The following NFATC3 variants were observed in gnomAD, a reference collection of about 807,000 sequenced individuals.
NFATC3 encodes the protein nuclear factor of activated T-cells, cytoplasmic 3.
NFATC3 carries 46 observed loss-of-function variants against 98.6 expected under a neutral mutation model. The observed-to-expected ratio is 0.47, with a 90% confidence interval of 0.37 to 0.60. The LOEUF (loss-of-function observed/expected upper bound fraction) is 0.60, where lower values mean the gene tolerates loss of function less well. NFATC3 is among the 20% of genes least tolerant of loss of function. The probability of loss-of-function intolerance (pLI) is 0.00; values close to 1 mark genes in which losing one functional copy is unlikely to be tolerated. For missense variants in NFATC3, 1,256 were observed against 1,295.5 expected (o/e 0.97, Z 0.47); for synonymous variants, 512 against 472.2 (o/e 1.08, Z -1.09).
chr16:68,192,293 A>G (rs1289789204), intron 9 of NFATC3: 4 of 128,892 alleles, frequency 3.1e-5, no homozygotes, highest in Non-Finnish European at 6.6e-5. Flanking sequence ...ATATATATGT[A>G]TGTGTGTATA....
chr16:68,167,369 C>T (rs2039243746), intron 5 of NFATC3, among the ~76,000 whole-genome samples: 1 of 152,188 alleles, frequency 6.6e-6, no homozygotes, highest in Admixed American at 6.5e-5. Context: ...GTCTTTATTT[C>T]ATTAAAATGT....
chr16:68,171,483 T>G (rs957983875), intron 5 of NFATC3, among the ~76,000 whole-genome samples: 5 of 151,682 alleles, frequency 3.3e-5, no homozygotes, highest in Non-Finnish European at 7.4e-5. Context: ...CTTTTTTTTT[T>G]TTTTTCTTGA....
At chr16:68,163,587 C>T (rs903385476) in intron 4 of NFATC3, among the ~76,000 whole-genome samples, 15 of 151,414 alleles carry the variant, frequency 9.9e-5, no homozygotes, top group East Asian at 3.9e-4. Context: ...CGGGCGGAGA[C>T]GCTCCTCACT....
chr16:68,152,782 A>T (rs868625713), intron 3 of NFATC3, among the ~76,000 whole-genome samples: 1 of 152,334 alleles, frequency 6.6e-6, no homozygotes, highest in South Asian at 2.1e-4. Context: ...TGTGAAACTT[A>T]TGTGGAATTC....
chr16:68,226,696 A>G lies in NFATC3; in HGVS notation c.*225A>G. 5.2e-6 allele frequency: 2 copies of G among 386,088 alleles called. No homozygotes were observed. The highest frequency in any genetic ancestry group is 6.6e-4 in the Middle Eastern group (1 of 1,518). 23.9% of individuals were successfully genotyped at this position (386,088 alleles called of 1,614,324 possible). ...TGGGGAAATGAACTTTGCTTTTTAT[A>G]TTTAACTAGGATACTTTTATATGAT... On this transcript the variant is annotated 3_prime_UTR_variant, in exon 10 of 10. Transcript: ENST00000346183.
At chr16:68,140,219 C>T (rs909216356) in intron 3 of NFATC3, among the ~76,000 whole-genome samples, 5 of 152,072 alleles carry the variant, frequency 3.3e-5, no homozygotes, top group East Asian at 1.9e-4. Flanking sequence ...CGGCTGGTCT[C>T]GGAACTCCTG....
chr16:68,129,987 C>A (rs1188939957), intron 3 of NFATC3, among the ~76,000 whole-genome samples: 3 of 152,046 alleles, frequency 2.0e-5, no homozygotes, highest in African/African-American at 7.2e-5. Flanking sequence ...TGATTTCTCT[C>A]TTTTCTTGTG....
At chr16:68,224,285 T>G (rs2151184525) in intron 9 of NFATC3, among the ~76,000 whole-genome samples, 1 of 149,148 alleles carries the variant, frequency 6.7e-6, no homozygotes, top group South Asian at 2.1e-4. Flanking sequence ...TTTTTTTTTT[T>G]TTTTTTTTTG....
chr16:68,097,427 G>A lies in NFATC3; in HGVS notation c.103+11643G>A, dbSNP rs2035075253. On this transcript the variant is annotated intron_variant, in intron 1 of 9. Transcript: ENST00000346183. ...GCATCTGTAGATTTATTAGGCAATTGGAAATATAAGTGTAGAGCTCAAAAG... is the reference window on the plus strand; with the variant it reads ...GCATCTGTAGATTTATTAGGCAATTAGAAATATAAGTGTAGAGCTCAAAAG... Among the ~76,000 whole-genome samples, 5 of 152,180 alleles carry A rather than the reference G, an allele frequency of 3.3e-5. No homozygotes were observed. The South Asian group carries it at 8.3e-4, about 25-fold the overall frequency.
At chr16:68,188,591 G>A (rs1288829762) in intron 8 of NFATC3, among the ~76,000 whole-genome samples, 2 of 152,174 alleles carry the variant, frequency 1.3e-5, no homozygotes, top group Non-Finnish European at 2.9e-5. Context: ...TTTTTATTAA[G>A]GTATTTCTGA....
chr16:68,182,199 AAGTT>A (rs532425065), intron 7 of NFATC3, among the ~76,000 whole-genome samples: 63 of 152,286 alleles, frequency 4.1e-4, no homozygotes, highest in African/African-American at 1.4e-3. Context: ...TAGTGGGTAA[AAGTT>A]AGGAGCAAGA....
intron 9 of NFATC3, among the ~76,000 whole-genome samples, chr16:68,201,368 A>C (rs567994476): frequency 5.8e-4 from 88 of 152,170 alleles, no homozygotes; most frequent in African/African-American, 2.1e-3. Flanking sequence ...AGTAGCAGGG[A>C]CTACAGGCAC....
chr16:68,116,965 AC>A (rs1158015383), intron 1 of NFATC3, among the ~76,000 whole-genome samples: 9 of 152,122 alleles, frequency 5.9e-5, no homozygotes, highest in Admixed American at 4.6e-4. Flanking sequence ...TGCTATATAT[AC>A]CCTTTGAACT....
At chr16:68,190,625 A>C in intron 8 of NFATC3, 143 bp from the exon 9 acceptor site, 1 of 721,702 alleles carries the variant, frequency 1.4e-6, no homozygotes. Flanking sequence ...ACAGACATAC[A>C]CGATATTTTA....
intron 1 of NFATC3, among the ~76,000 whole-genome samples, chr16:68,094,603 A>G (rs1237603355): frequency 6.6e-6 from 1 of 152,118 alleles, no homozygotes; most frequent in Non-Finnish European, 1.5e-5. Flanking sequence ...TCTCTTGTAC[A>G]TACCCAGTTG....
rs1248440038 is a variant in NFATC3, at chr16:68,190,976, T to C, written c.2307T>C (p.Cys769=). The C allele has an allele frequency of 6.8e-6, 11 of 1,614,062 alleles. No individual in the cohort carries two copies. The highest frequency in any genetic ancestry group is 9.3e-6 in the Non-Finnish European group (11 of 1,180,038). Residue 769 remains cysteine, a synonymous_variant, in exon 9 of 10, where the codon TGT becomes TGC. Transcript: ENST00000346183. ...CATCCCATCTGCCACAGTTGCAGTGTAGAGATGAGAGTGTTAGTAAAGAAC... is the reference window on the plus strand; with the variant it reads ...CATCCCATCTGCCACAGTTGCAGTGCAGAGATGAGAGTGTTAGTAAAGAAC... The part of the protein sequence containing the change: ...VTSSHLPQLQ[C]RDESVSKEQH...
chr16:68,127,214 A>G (rs2036883050), intron 3 of NFATC3, among the ~76,000 whole-genome samples: 1 of 152,150 alleles, frequency 6.6e-6, no homozygotes, highest in Non-Finnish European at 1.5e-5. Flanking sequence ...CTCTGTCTCT[A>G]AATAAATAAA....
intron 9 of NFATC3, among the ~76,000 whole-genome samples, chr16:68,208,353 A>G (rs1162493975): frequency 6.6e-6 from 1 of 152,152 alleles, no homozygotes; most frequent in African/African-American, 2.4e-5. Flanking sequence ...CAATGTAGAA[A>G]TCTTATGCCT....
chr16:68,086,973 A>T (rs2030507513), intron 1 of NFATC3, among the ~76,000 whole-genome samples: 1 of 152,212 alleles, frequency 6.6e-6, no homozygotes, highest in African/African-American at 2.4e-5. Flanking sequence ...GATGAGGCAG[A>T]GGACTGAGGC....
Sources: gnomAD v4.1 joint callset for allele counts (sites outside exome capture counted in the v4.1 genomes callset) on GRCh38, gnomAD v4.1.1 for gene constraint, MANE v1.5 for transcripts, NCBI Gene and HGNC (gene_info 2026-07-23, HGNC 2026-07-21) for gene names.